The following DENND1B variants were observed in gnomAD, a reference collection of about 807,000 sequenced individuals.
DENND1B encodes DENN domain-containing protein 1B.
Under a neutral mutation model 90.1 loss-of-function variants are expected in DENND1B, and 59 were observed. The ratio of observed to expected loss-of-function variants is 0.65; its 90% CI spans 0.53 to 0.81. The LOEUF is 0.81. Among genes scored for constraint, DENND1B ranks in the 40% least tolerant of loss-of-function variants. The pLI is 0.00. For synonymous variants in DENND1B, 337 were observed against 324.6 expected, an observed-to-expected ratio of 1.04 and a Z score of -0.41; for missense variants, 862 against 912.6, an observed-to-expected ratio of 0.94 and a Z score of 0.71.
chr1:197,569,675 C>T (rs1672987997), intron 15 of DENND1B, among the ~76,000 whole-genome samples: 1 of 151,896 alleles, frequency 6.6e-6, no homozygotes, highest in Non-Finnish European at 1.5e-5. Context: ...GGACATTATG[C>T]TAAGTAAAAT....
In DENND1B at chr1:197,772,903, A is replaced by G. The variant is rs1187153538; in HGVS notation, c.47T>C (p.Val16Ala). The G allele has an allele frequency of 6.4e-7, 1 of 1,552,018 alleles. No individual in the cohort carries two copies. The change falls in exon 2 of 23, where the codon GTG becomes GCG. Residue 16 changes from valine (V) to alanine (A), a missense_variant. Transcript: ENST00000620048. ...KANPDRTFDL[V>A]LKVKCHASEN... ...AGAGGCATGACATTTCACTTTCAAC[A>G]CCAAGTCAAAGGTTCTGTCTGGATT...
chr1:197,622,380 G>A (rs922226874), intron 10 of DENND1B, among the ~76,000 whole-genome samples: 1 of 151,268 alleles, frequency 6.6e-6, no homozygotes, highest in Non-Finnish European at 1.5e-5. Flanking sequence ...GCAAAGCCAG[G>A]ATACAACTGG....
At chr1:197,700,056 A>G (rs1305592304) in intron 3 of DENND1B, among the ~76,000 whole-genome samples, 2 of 152,212 alleles carry the variant, frequency 1.3e-5, no homozygotes, top group Non-Finnish European at 2.9e-5. Flanking sequence ...TATAGATTCA[A>G]TGTTATTTCC....
At chr1:197,660,227 T>C (rs1484550989) in intron 5 of DENND1B, among the ~76,000 whole-genome samples, 1 of 151,996 alleles carries the variant, frequency 6.6e-6, no homozygotes, top group Non-Finnish European at 1.5e-5. Flanking sequence ...GTAAGTTCTA[T>C]TCCTAGGTAT....
intron 2 of DENND1B, among the ~76,000 whole-genome samples, chr1:197,723,161 A>G (rs753426191): frequency 2.0e-5 from 3 of 152,316 alleles, no homozygotes; most frequent in Non-Finnish European, 4.4e-5. Context: ...AAAGAACCTT[A>G]AGAAAATATA....
chr1:197,592,945 A>G (rs1275920544), intron 14 of DENND1B, among the ~76,000 whole-genome samples: 1 of 152,180 alleles, frequency 6.6e-6, no homozygotes, highest in Non-Finnish European at 1.5e-5. Context: ...CTATAGTAGC[A>G]GGATACTCCT....
chr1:197,680,946 A>C (rs1047597447), intron 3 of DENND1B, among the ~76,000 whole-genome samples: 1 of 152,198 alleles, frequency 6.6e-6, no homozygotes, highest in Non-Finnish European at 1.5e-5. Context: ...AATGATTAGG[A>C]TAATATCAAG....
chr1:197,511,526 T>C (rs369715932), intron 22 of DENND1B, among the ~76,000 whole-genome samples: 102 of 151,770 alleles, frequency 6.7e-4, no homozygotes, highest in Middle Eastern at 3.4e-3. Context: ...CCACTAGAAC[T>C]AGATAAATGA....
intron 5 of DENND1B, among the ~76,000 whole-genome samples, chr1:197,670,379 T>G (rs1655363260): frequency 6.6e-6 from 1 of 150,628 alleles, no homozygotes; most frequent in South Asian, 2.1e-4. Context: ...ACTCAAATCT[T>G]ACCTGAAAAT....
At chr1:197,536,997 C>T (rs4026511) in intron 20 of DENND1B, among the ~76,000 whole-genome samples, 66,493 of 150,028 alleles carry the variant, frequency 0.44, 15,360 homozygotes, top group East Asian at 0.66. Context: ...GCCGAGATCG[C>T]ACCACTGCAC....
chr1:197,581,772 T>C (rs1447040308), intron 15 of DENND1B, among the ~76,000 whole-genome samples: 1 of 152,184 alleles, frequency 6.6e-6, no homozygotes, highest in Non-Finnish European at 1.5e-5. Flanking sequence ...ATAAGTTAGA[T>C]ATTCTACCTA....
chr1:197,573,056 G>A (rs1423966908), intron 15 of DENND1B, among the ~76,000 whole-genome samples: 3 of 152,024 alleles, frequency 2.0e-5, no homozygotes. Context: ...CTTGCTAGCG[G>A]TCTATCAATT....
chr1:197,677,405 G>A (rs956260340), intron 3 of DENND1B, among the ~76,000 whole-genome samples: 4 of 152,106 alleles, frequency 2.6e-5, no homozygotes, highest in African/African-American at 9.7e-5. Context: ...AACCAAAGTT[G>A]TTCTTTTACT....
At chr1:197,658,251 T>C (rs769862537) in intron 6 of DENND1B, 49 bp downstream of exon 6, 9 of 1,417,504 alleles carry the variant, frequency 6.3e-6, no homozygotes, top group Admixed American at 3.5e-5. Context: ...GTAAGTTTTG[T>C]GTTATAAGTA....
At chr1:197,596,979 T>C (rs1675757309) in intron 13 of DENND1B, among the ~76,000 whole-genome samples, 1 of 151,908 alleles carries the variant, frequency 6.6e-6, no homozygotes. Context: ...TATTGAGTTA[T>C]GTTCATAATC....
At chr1:197,656,583 T>G (rs947906631) in intron 6 of DENND1B, among the ~76,000 whole-genome samples, 7 of 152,088 alleles carry the variant, frequency 4.6e-5, no homozygotes, top group African/African-American at 1.4e-4. Flanking sequence ...GAAGATCCCT[T>G]GAGGCCAAGA....
At chr1:197,765,401 T>A (rs1277105122) in intron 2 of DENND1B, among the ~76,000 whole-genome samples, 3 of 152,186 alleles carry the variant, frequency 2.0e-5, no homozygotes, top group Non-Finnish European at 4.4e-5. Context: ...GCCATCTGCG[T>A]AAAGCACTCT....
intron 14 of DENND1B, among the ~76,000 whole-genome samples, chr1:197,589,623 C>CA (rs1675011481): frequency 6.6e-6 from 1 of 152,278 alleles, no homozygotes; most frequent in African/African-American, 2.4e-5. Context: ...GATGCCAACC[C>CA]TGTGTTTAAA....
chr1:197,599,864 G>C (rs560345466), intron 13 of DENND1B, among the ~76,000 whole-genome samples: 2 of 151,886 alleles, frequency 1.3e-5, no homozygotes, highest in East Asian at 3.9e-4. Context: ...TCATCTACAA[G>C]TATACAATGA....
Sources: allele counts gnomAD v4.1 joint callset (sites outside exome capture counted in the v4.1 genomes callset), GRCh38; gene constraint gnomAD v4.1.1; transcripts MANE v1.5; gene names NCBI Gene and HGNC (gene_info 2026-07-23, HGNC 2026-07-21).